Variants in PROX1 observed in about 807,000 individuals in gnomAD.
PROX1 encodes the protein prospero homeobox protein 1.
Under a neutral mutation model 58.8 loss-of-function variants are expected in PROX1, and 7 were observed. The observed-to-expected ratio is 0.12, with a 90% CI of 0.07 to 0.22. The LOEUF is 0.22. PROX1 is among the 10% of genes least tolerant of loss of function. PROX1 has a pLI of 1.00. For missense variants in PROX1, 675 were observed against 927.8 expected (o/e 0.73, Z 3.54); for synonymous variants, 350 against 358.3 (o/e 0.98, Z 0.26).
Position 214,037,741 on chromosome 1 carries a change from A to T in PROX1, c.*1907A>T, listed in dbSNP as rs1664875616. ...CTCTACTAATGCACAGAGTCATTAG[A>T]TCCAATTTGTTATTTTTCTCACTTG... On this transcript the variant is annotated 3_prime_UTR_variant, in exon 5 of 5. Transcript: ENST00000366958. 6.6e-6 allele frequency: 1 copy of T among 152,168 alleles called. No homozygotes were observed. Among genetic ancestry groups the T allele is most frequent in the Non-Finnish European group, 1.5e-5 (1 of 68,038 alleles). 9.4% of individuals were successfully genotyped at this position (152,168 alleles called of 1,614,324 possible).
upstream of PROX1, chr1:213,985,468 C>A (rs1052613917): frequency 6.6e-6 from 1 of 152,214 alleles, no homozygotes; most frequent in East Asian, 1.9e-4. Context: ...CGATCTCGCT[C>A]GCCTAGCGTG....
intron 4 of PROX1, among the ~76,000 whole-genome samples, chr1:214,013,605 T>G (rs1378992717): frequency 6.6e-6 from 1 of 152,118 alleles, no homozygotes; most frequent in Non-Finnish European, 1.5e-5. Flanking sequence ...CTGGTTGGAA[T>G]TTAATCCGCT....
In PROX1 at chr1:214,036,286, T is replaced by C. The variant is rs574545097; in HGVS notation, c.*452T>C. On this transcript the variant is annotated 3_prime_UTR_variant, in exon 5 of 5. Transcript: ENST00000366958. ...CTGCTAAGAAGGTCTGAAAATTTAA[T>C]GAAACCACTTCATACATTTAAGTAT... is the stretch of plus-strand genomic sequence containing the variant. The C allele has an allele frequency of 1.3e-5, 2 of 152,702 alleles. No homozygotes were observed. The highest frequency in any genetic ancestry group is 2.1e-4 in the South Asian group (1 of 4,828). The allele number at this position is 152,702 out of a possible 1,614,324, so 9.5% of individuals were successfully genotyped here.
At chr1:214,009,179 T>G (rs1448962305) in intron 3 of PROX1, among the ~76,000 whole-genome samples, 1 of 152,220 alleles carries the variant, frequency 6.6e-6, no homozygotes, top group Non-Finnish European at 1.5e-5. Flanking sequence ...GTTTTATACA[T>G]CTTTTGACCA....
intron 2 of PROX1, among the ~76,000 whole-genome samples, chr1:214,003,192 G>A (rs1426287975): frequency 6.6e-6 from 1 of 152,174 alleles, no homozygotes; most frequent in Non-Finnish European, 1.5e-5. Context: ...GCCCATCTAA[G>A]AAACACAGAA....
intron 4 of PROX1, among the ~76,000 whole-genome samples, chr1:214,012,831 A>G (rs1663960294): frequency 6.6e-6 from 1 of 152,194 alleles, no homozygotes; most frequent in South Asian, 2.1e-4. Flanking sequence ...GTATCCAGGA[A>G]TACCCAGGAA....
Position 214,035,776 on chromosome 1 carries a change from G to A in PROX1, c.2156G>A (p.Ser719Asn). The change falls in exon 5 of 5, where the codon AGT becomes AAT. Residue 719 changes from serine (S) to asparagine (N), a missense_variant. By Grantham distance (46) the Ser-to-Asn change is conservative (BLOSUM62 1). Coordinates refer to ENST00000366958, the MANE Select transcript of PROX1 (RefSeq NM_001270616.2). ...AIYKVICKLD[S>N]EVPEIFKSPN... ...TACAAGGTCATCTGCAAGCTGGATA[G>A]TGAAGTCCCTGAGATTTTCAAATCC... 3.7e-6 allele frequency: 6 copies of A among 1,614,006 alleles called. No individual in the cohort carries two copies. The highest frequency in any genetic ancestry group is 4.2e-6 in the Non-Finnish European group (5 of 1,179,892).
chr1:214,012,418 A>T (rs544727980), intron 4 of PROX1, among the ~76,000 whole-genome samples: 3 of 152,356 alleles, frequency 2.0e-5, no homozygotes, highest in Admixed American at 2.0e-4. Context: ...ACAAAGCAGC[A>T]TAGAGAATTC....
chr1:214,028,797 G>C (rs912045234), intron 4 of PROX1: 5 of 152,170 alleles, frequency 3.3e-5, no homozygotes, highest in African/African-American at 1.2e-4. Context: ...GTTAGTCCCC[G>C]GCTGTACACA....
chr1:214,029,281 G>A (rs1263424483), intron 4 of PROX1: 2 of 152,120 alleles, frequency 1.3e-5, no homozygotes, highest in African/African-American at 2.4e-5. Flanking sequence ...AAGACACTTC[G>A]AAGTCATCTA....
At chr1:214,018,084 G>A (rs1664156452) in intron 4 of PROX1, among the ~76,000 whole-genome samples, 1 of 152,170 alleles carries the variant, frequency 6.6e-6, no homozygotes, top group African/African-American at 2.4e-5. Context: ...AAGACAGCCT[G>A]TTTATTTCGC....
chr1:213,984,064 G>A (rs985234806), upstream of PROX1: 7 of 152,240 alleles, frequency 4.6e-5, no homozygotes, highest in Non-Finnish European at 4.4e-5. Context: ...GGCAAAGCCA[G>A]GGTTGGCGGC....
rs1664809837 is a variant in PROX1 at position 214,035,814 on chromosome 1, C to A, written c.2194C>A (p.Gln732Lys). 6.2e-7 allele frequency: 1 copy of A among 1,612,038 alleles called. No homozygotes were observed. Among genetic ancestry groups the A allele is most frequent in the African/African-American group, 1.3e-5 (1 of 74,842 alleles). ...PEIFKSPNCL[Q>K]ELLHE ...GATTTTCAAATCCCCGAACTGCCTACAAGAGCTGCTTCATGAGTAGAAATT... is the reference window on the plus strand; with the variant it reads ...GATTTTCAAATCCCCGAACTGCCTAAAAGAGCTGCTTCATGAGTAGAAATT... Residue 732 changes from glutamine (Q) to lysine (K), a missense_variant, in exon 5 of 5, where the codon CAA becomes AAA. Around this residue, in one of 8 missense-constraint regions of PROX1, gnomAD observed 16 missense variants for 21.0 expected, o/e 0.76. Coordinates refer to ENST00000366958, the MANE Select transcript of PROX1 (RefSeq NM_001270616.2).
rs558160402 is a variant in PROX1, at chr1:214,037,163, CCT to C, written c.*1330_*1331del. On this transcript the variant is annotated 3_prime_UTR_variant, in exon 5 of 5. Coordinates refer to ENST00000366958, the MANE Select transcript of PROX1 (RefSeq NM_001270616.2). ...TCCTCTTTTTTCCCTTTTATTTTTCCCTGTTTTTCAATGATGTACAGTGTTCC... is the reference window on the plus strand; with the variant it reads ...TCCTCTTTTTTCCCTTTTATTTTTCCGTTTTTCAATGATGTACAGTGTTCC... The C allele has an allele frequency of 1.4e-3, 217 of 152,242 alleles. No individual in the cohort carries two copies. Among genetic ancestry groups the C allele is most frequent in the African/African-American group, 5.1e-3 (210 of 41,542 alleles). The allele number at this position is 152,242 out of a possible 1,614,324, so 9.4% of individuals were successfully genotyped here.
intron 4 of PROX1, among the ~76,000 whole-genome samples, chr1:214,014,503 C>G (rs1360265071): frequency 6.6e-6 from 1 of 152,184 alleles, no homozygotes; most frequent in African/African-American, 2.4e-5. Context: ...TCCCAGACTT[C>G]TCAATCAATT....
Position 213,997,884 on chromosome 1 carries a change from A to C in PROX1, c.1349A>C (p.Gln450Pro). The change falls in exon 2 of 5, where the codon CAG (glutamine) becomes CCG (proline). Residue 450 changes from glutamine (Q) to proline (P), a missense_variant. By Grantham distance (76) the Gln-to-Pro change is moderately conservative. This residue lies in a region of PROX1 where 403 missense variants were observed against 477.4 expected (regional missense o/e 0.84). Coordinates refer to ENST00000366958, the MANE Select transcript of PROX1 (RefSeq NM_001270616.2). The surrounding 1 kb of genome is among the most constrained non-coding windows in gnomAD (Gnocchi z 7.1). ...GTTGTCCGCAAAAACTCCTCTGACC[A>C]GTCTGCCTCCGGCCCTGCCGCTGGC... ...PLVVRKNSSD[Q>P]SASGPAAGGH... 1 of 1,612,532 alleles carries C rather than the reference A, an allele frequency of 6.2e-7. No individual in the cohort carries two copies. The highest frequency in any genetic ancestry group is 1.3e-5 in the African/African-American group (1 of 75,044).
chr1:213,998,258 G>A lies in PROX1; in HGVS notation c.1723G>A (p.Ala575Thr), dbSNP rs1157509864. The A allele has an allele frequency of 6.5e-7, 1 of 1,538,476 alleles. No homozygotes were observed. Among genetic ancestry groups the A allele is most frequent in the Admixed American group, 2.1e-5 (1 of 47,274 alleles). Residue 575 changes from alanine (A) to threonine (T), a missense_variant and splice_region_variant, in exon 2 of 5, where the codon GCA becomes ACA. This residue lies in a region of PROX1 where 39 missense variants were observed against 73.4 expected (regional missense o/e 0.53). Transcript: ENST00000366958. Reference protein sequence around the residue: ...MSEISPYSGSAMQEGLSPNHL... With the variant: ...MSEISPYSGSTMQEGLSPNHL... ...TGAAATATCACCTTATTCGGGAAGT[G>A]CAATATCCTTTTATTTTCCCCTCGA... is the stretch of plus-strand genomic sequence containing the variant.
chr1:214,041,204 T>A lies in PROX1; in HGVS notation c.*5370T>A, dbSNP rs1664997250. 6.6e-6 allele frequency: 1 copy of A among 152,172 alleles called. No individual in the cohort carries two copies. The highest frequency in any genetic ancestry group is 1.5e-5 in the Non-Finnish European group (1 of 68,008). The allele number at this position is 152,172 out of a possible 1,614,324, so 9.4% of individuals were successfully genotyped here. Reference sequence around the variant, plus strand: ...CATCTCCTCTTAAACTGAATGTATGTGCAGTATATATGCAAGCTTGTGCAA... The same window carrying A: ...CATCTCCTCTTAAACTGAATGTATGAGCAGTATATATGCAAGCTTGTGCAA... On this transcript the variant is annotated 3_prime_UTR_variant, in exon 5 of 5. Transcript: ENST00000366958.
Position 213,996,820 on chromosome 1 carries a change from G to A in PROX1, c.285G>A (p.Gln95=), listed in dbSNP as rs1558169001. 6.2e-7 allele frequency: 1 copy of A among 1,614,132 alleles called. No individual in the cohort carries two copies. The highest frequency in any genetic ancestry group is 2.2e-5 in the East Asian group (1 of 44,880). Residue 95 remains glutamine, a synonymous_variant, in exon 2 of 5, where the codon CAG becomes CAA. Coordinates refer to ENST00000366958, the MANE Select transcript of PROX1 (RefSeq NM_001270616.2). ...TTCCAGGAGCAACCATAATTTCCCAGCTGTTGAAAAATAACATGAACAAAA... is the reference window on the plus strand; with the variant it reads ...TTCCAGGAGCAACCATAATTTCCCAACTGTTGAAAAATAACATGAACAAAA... ...MPFPGATIIS[Q]LLKNNMNKNG...
Sources: gnomAD v4.1 joint callset for allele counts (sites outside exome capture counted in the v4.1 genomes callset) on GRCh38, gnomAD v4.1.1 for gene constraint, gnomAD v4.1.1 regional missense constraint, Gnocchi (gnomAD v3.1) non-coding constraint, MANE v1.5 for transcripts, NCBI Gene and HGNC (gene_info 2026-07-23, HGNC 2026-07-21) for gene names.